The following CTSH variants were observed in gnomAD, a reference collection of about 807,000 sequenced individuals.
CTSH encodes pro-cathepsin H.
A neutral mutation model predicts 56.3 loss-of-function variants in CTSH; 52 were observed. The observed-to-expected ratio is 0.92, with a 90% CI of 0.74 to 1.16. The LOEUF (loss-of-function observed/expected upper bound fraction) is 1.16, where lower values mean the gene tolerates loss of function less well. Among genes scored for constraint, CTSH ranks in the 50% most tolerant of loss-of-function variants. CTSH has a pLI of 0.00. For missense variants in CTSH, 406 were observed against 424.5 expected (o/e 0.96, Z 0.38); for synonymous variants, 174 against 155.7 (o/e 1.12, Z -0.88).
intron 2 of CTSH, among the ~76,000 whole-genome samples, chr15:78,938,382 T>TA (rs1207332133): frequency 6.7e-6 from 1 of 149,266 alleles, no homozygotes; most frequent in Non-Finnish European, 1.5e-5. Flanking sequence ...AAAAAAAAAA[T>TA]ATTTTGTACT....
rs2054998141 is a variant in CTSH, at chr15:78,929,463, G to A, written c.579C>T (p.Ile193=). The part of the protein sequence containing the change: ...GGLPSQAFEY[I]LYNKGIMGED... ...CACCCATGATCCCCTTGTTGTACAG[G>A]ATATACTCGAAAGCCTGGCTGGGGA... Residue 193 remains isoleucine, a synonymous_variant, in exon 8 of 12, where the codon ATC becomes ATT. Transcript: ENST00000220166. The A allele has an allele frequency of 4.3e-6, 7 of 1,612,006 alleles. No individual in the cohort carries two copies. Among genetic ancestry groups the A allele is most frequent in the Middle Eastern group, 1.7e-4 (1 of 6,056 alleles).
intron 7 of CTSH, among the ~76,000 whole-genome samples, chr15:78,930,534 G>GA (rs1299046913): frequency 7.4e-6 from 1 of 135,850 alleles, no homozygotes; most frequent in Non-Finnish European, 1.5e-5. Flanking sequence ...CTCAAAAAAA[G>GA]AAAAAATAAA....
At chr15:78,939,894 C>T (rs1274329930) in intron 1 of CTSH, among the ~76,000 whole-genome samples, 2 of 152,146 alleles carry the variant, frequency 1.3e-5, no homozygotes, top group African/African-American at 4.8e-5. Context: ...AAAACAACAA[C>T]AACAAAAAAC....
intron 8 of CTSH, among the ~76,000 whole-genome samples, chr15:78,928,027 A>G (rs1596273599): frequency 6.6e-6 from 1 of 152,278 alleles, no homozygotes; most frequent in Middle Eastern, 3.4e-3. Flanking sequence ...GAGGGGCCTC[A>G]CCCGGCCTGA....
intron 1 of CTSH, among the ~76,000 whole-genome samples, chr15:78,940,067 G>A (rs940585946): frequency 3.3e-5 from 5 of 152,168 alleles, no homozygotes; most frequent in African/African-American, 7.2e-5. Context: ...GTAGGACTGC[G>A]TTCCCGCAAG....
At position 78,939,157 on chromosome 15, in the gene CTSH, T is replaced by C. The variant is rs1307764560; in HGVS notation, c.106A>G (p.Lys36Glu). ...CVNSLEKFHF[K>E]SWMSKHRKTY... is the part of the protein sequence containing the mutation. The stretch of plus-strand genomic sequence containing the variant: ...GCACTGACCTTAGACATCCATGACT[T>C]GAAGTGAAACTTCTCTGTAAAAAGA... The change falls in exon 2 of 12, where the codon AAG (lysine) becomes GAG (glutamate). Residue 36 changes from lysine (K) to glutamate (E), a missense_variant. Coordinates refer to ENST00000220166, the MANE Select transcript of CTSH (RefSeq NM_004390.5). 1.9e-6 allele frequency: 3 copies of C among 1,595,396 alleles called. No homozygotes were observed. Among genetic ancestry groups the C allele is most frequent in the African/African-American group, 1.4e-5 (1 of 73,568 alleles).
intron 6 of CTSH, chr15:78,931,721 C>T (rs962428196): frequency 4.2e-6 from 6 of 1,436,660 alleles, no homozygotes; most frequent in Non-Finnish European, 5.5e-6. Flanking sequence ...GCTCAGTAAG[C>T]AGGGGCAGCC....
chr15:78,927,916 T>G (rs955635001), intron 8 of CTSH, 135 bp from the exon 9 acceptor site: 2 of 724,278 alleles, frequency 2.8e-6, no homozygotes, highest in African/African-American at 1.7e-5. Flanking sequence ...CAGAGAGAAT[T>G]AAAGCATCCT....
At chr15:78,923,895 G>C (rs546568529) in intron 10 of CTSH, among the ~76,000 whole-genome samples, 2 of 152,300 alleles carry the variant, frequency 1.3e-5, no homozygotes, top group Admixed American at 6.5e-5. Flanking sequence ...GGTCAGGTGT[G>C]AATTCAGCTG....
intron 11 of CTSH, among the ~76,000 whole-genome samples, chr15:78,922,770 C>T (rs951713487): frequency 1.3e-5 from 2 of 152,228 alleles, no homozygotes; most frequent in Admixed American, 6.5e-5. Context: ...CTCCTGCTCT[C>T]CCTGCAGCGT....
intron 8 of CTSH, among the ~76,000 whole-genome samples, chr15:78,929,123 G>A (rs571001073): frequency 6.6e-6 from 1 of 152,226 alleles, no homozygotes; most frequent in African/African-American, 2.4e-5. Flanking sequence ...CCAGGAAGAT[G>A]GGGCAGGTGG....
chr15:78,922,097 T>A lies in CTSH; in HGVS notation c.*33A>T. 6 of 1,547,594 alleles carry A rather than the reference T, an allele frequency of 3.9e-6. No individual in the cohort carries two copies. The highest frequency in any genetic ancestry group is 5.2e-6 in the Non-Finnish European group (6 of 1,144,908). ...AGGCCCAGGCTGCCCGTTCCTCTCCTTCTCCGCCAGTCTGCGCTGCGGCTG... is the reference window on the plus strand; with the variant it reads ...AGGCCCAGGCTGCCCGTTCCTCTCCATCTCCGCCAGTCTGCGCTGCGGCTG... On this transcript the variant is annotated 3_prime_UTR_variant, in exon 12 of 12. Transcript: ENST00000220166.
At chr15:78,940,990 G>A (rs992959410) in intron 1 of CTSH, among the ~76,000 whole-genome samples, 1 of 152,030 alleles carries the variant, frequency 6.6e-6, no homozygotes, top group Non-Finnish European at 1.5e-5. Flanking sequence ...AAAAGAGTCA[G>A]ATATTATACA....
chr15:78,927,886 C>T, intron 8 of CTSH, 105 bp from the exon 9 acceptor site: 1 of 888,904 alleles, frequency 1.1e-6, no homozygotes, highest in Middle Eastern at 2.1e-4. Context: ...TGTGCCAGGG[C>T]CTGGGGGATG....
chr15:78,940,907 C>T (rs186156152), intron 1 of CTSH, among the ~76,000 whole-genome samples: 1,681 of 151,520 alleles, frequency 0.011, 23 homozygotes, highest in Middle Eastern at 0.043. Flanking sequence ...TGCTGTGAGC[C>T]GAGATTGTGC....
At position 78,924,862 on chromosome 15, in the gene CTSH, T is replaced by C. The variant is rs541803695; in HGVS notation, c.806+472A>G. ...GCACCACCACGCTGGCTTTTTTTTT[T>C]TTTTTGTATTTTTAGTAGAGATGGG... On this transcript the variant is annotated intron_variant, in intron 10 of 11. Transcript: ENST00000220166. Among the ~76,000 whole-genome samples the C allele has an allele frequency of 7.3e-5, 11 of 151,170 alleles. No individual in the cohort carries two copies. In the South Asian group the frequency reaches 2.3e-3, roughly 32 times the overall value.
At chr15:78,936,217 C>G (rs1224576449) in intron 3 of CTSH, among the ~76,000 whole-genome samples, 4 of 132,400 alleles carry the variant, frequency 3.0e-5, no homozygotes, top group Non-Finnish European at 4.6e-5. Flanking sequence ...GAGTCTCGCT[C>G]TGTCACCCAG....
In CTSH at chr15:78,943,251, C is replaced by CTGTT. The variant is rs111970692; in HGVS notation, c.91+1636_91+1639dup. Among the ~76,000 whole-genome samples, 47 of 151,030 alleles carry CTGTT rather than the reference C, an allele frequency of 3.1e-4. No individual in the cohort carries two copies. The East Asian group carries it at 6.2e-3, about 20-fold the overall frequency. Reference sequence around the variant, plus strand: ...GGTTTCAGGAAAGTACAGTATTCCCCTGTTTGTTTGTTTGTTTGTTTTAGA... The same window carrying CTGTT: ...GGTTTCAGGAAAGTACAGTATTCCCCTGTTTGTTTGTTTGTTTGTTTGTTTTAGA... On this transcript the variant is annotated intron_variant, in intron 1 of 11. Coordinates refer to ENST00000220166, the MANE Select transcript of CTSH (RefSeq NM_004390.5).
intron 6 of CTSH, 192 bp from the exon 7 acceptor site, chr15:78,931,698 CAT>C (rs2055064856): frequency 3.4e-6 from 5 of 1,459,702 alleles, no homozygotes; most frequent in Non-Finnish European, 4.5e-6. Context: ...GCAGCTGGCA[CAT>C]GTCGGGAGGG....
Sources: allele counts gnomAD v4.1 joint callset (sites outside exome capture counted in the v4.1 genomes callset), GRCh38; gene constraint gnomAD v4.1.1; transcripts MANE v1.5; gene names NCBI Gene and HGNC (gene_info 2026-07-23, HGNC 2026-07-21).